Variants in GABBR1 observed in about 807,000 individuals in gnomAD.
GABBR1 encodes gamma-aminobutyric acid type B receptor subunit 1.
GABBR1 carries 35 observed loss-of-function variants against 117.7 expected under a neutral mutation model. The observed-to-expected ratio is 0.30, with a 90% confidence interval of 0.23 to 0.39. GABBR1 has a LOEUF of 0.39. GABBR1 is among the 10% of genes least tolerant of loss of function. The pLI is 1.00. For synonymous variants in GABBR1, 442 were observed against 486.6 expected, an observed-to-expected ratio of 0.91 and a Z score of 1.21; for missense variants, 709 against 1,241.8, an observed-to-expected ratio of 0.57 and a Z score of 6.45.
chr6:29,603,297 C>T lies in GABBR1; in HGVS notation c.*246G>A, dbSNP rs1347458625. 10 of 678,970 alleles carry T rather than the reference C, an allele frequency of 1.5e-5. No individual in the cohort carries two copies. The highest frequency in any genetic ancestry group is 1.9e-5 in the Non-Finnish European group (7 of 369,158). The allele number at this position is 678,970 out of a possible 1,614,324, so 42.1% of individuals were successfully genotyped here. A position where few individuals can be genotyped will look rare whatever the true frequency, so the allele number is the denominator to read the frequency against. On this transcript the variant is annotated 3_prime_UTR_variant, in exon 23 of 23. Coordinates refer to ENST00000377034, the MANE Select transcript of GABBR1 (RefSeq NM_001470.4). ...GCAGTGAGCAGCTTCAAGCCAGGTA[C>T]GAACTAAATTGTGAAGAGGTGATAC...
chr6:29,604,929 G>C lies in GABBR1; in HGVS notation c.2499C>G (p.Ala833=), dbSNP rs12189690. Reference sequence around the variant, plus strand: ...CTATGGCAAGAGAGGCAAAGGCAAAGGCTGCATCCTGCTGGCTGGACAGAA... The same window carrying C: ...CTATGGCAAGAGAGGCAAAGGCAAACGCTGCATCCTGCTGGCTGGACAGAA... ...TMILSSQQDA[A]FAFASLAIVF... is the part of the protein sequence containing the mutation. Residue 833 remains alanine (A), a synonymous_variant, in exon 21 of 23, where the codon GCC becomes GCG. Transcript: ENST00000377034. The surrounding 1 kb of genome is among the most constrained non-coding windows in gnomAD (Gnocchi z 5.3). 1.9e-6 allele frequency: 3 copies of C among 1,613,154 alleles called. No homozygotes were observed. Among genetic ancestry groups the C allele is most frequent in the Non-Finnish European group, 8.5e-7 (1 of 1,179,972 alleles).
Position 29,606,618 on chromosome 6 carries a change from A to C in GABBR1, c.2218-134T>G. The C allele has an allele frequency of 1.4e-6, 1 of 715,812 alleles. No homozygotes were observed. The highest frequency in any genetic ancestry group is 2.5e-6 in the Non-Finnish European group (1 of 404,328). The allele number at this position is 715,812 out of a possible 1,614,324, so 44.3% of individuals were successfully genotyped here. A position where few individuals can be genotyped will look rare whatever the true frequency, so the allele number is the denominator to read the frequency against. On this transcript the variant is annotated intron_variant, in intron 18 of 22. Transcript: ENST00000377034. The surrounding 1 kb of genome is among the most constrained non-coding windows in gnomAD (Gnocchi z 4.5). Reference sequence around the variant, plus strand: ...TGATGCCAAATCTCATTCTAGGCCTAAGAATGTTTTCCTGAACCCTTGGAG... The same window carrying C: ...TGATGCCAAATCTCATTCTAGGCCTCAGAATGTTTTCCTGAACCCTTGGAG...
At position 29,620,897 on chromosome 6, in the gene GABBR1, T is replaced by A. The variant is rs1763684970; in HGVS notation, c.1323+204A>T. Among the ~76,000 whole-genome samples the A allele has an allele frequency of 6.6e-6, 1 of 152,156 alleles. No individual in the cohort carries two copies. Among genetic ancestry groups the A allele is most frequent in the Non-Finnish European group, 1.5e-5 (1 of 67,976 alleles). On this transcript the variant is annotated intron_variant, in intron 11 of 22. Transcript: ENST00000377034. The surrounding 1 kb of genome is among the most constrained non-coding windows in gnomAD (Gnocchi z 4.5). ...GAACATACAACTCCATCGTTTTTTT[T>A]TTTTTCTCTCTCTACCCAAGGAAGT...
chr6:29,608,510 G>T (rs1762187335), intron 16 of GABBR1, 91 bp downstream of exon 16: 2 of 1,349,458 alleles, frequency 1.5e-6, no homozygotes. Flanking sequence ...AAGCTGAGGA[G>T]GAAGGGCAGA....
chr6:29,628,978 T>A (rs765259273), intron 5 of GABBR1, 109 bp downstream of exon 5: 5 of 1,307,104 alleles, frequency 3.8e-6, no homozygotes, highest in Middle Eastern at 2.1e-4. Context: ...TTGGGGAAGG[T>A]GCGAAAGGAC....
chr6:29,604,239 A>G lies in GABBR1; in HGVS notation c.2712+255T>C, dbSNP rs927055712. Among the ~76,000 whole-genome samples the G allele has an allele frequency of 2.0e-5, 3 of 152,084 alleles. No homozygotes were observed. Among genetic ancestry groups the G allele is most frequent in the African/African-American group, 7.2e-5 (3 of 41,408 alleles). On this transcript the variant is annotated intron_variant, in intron 22 of 22. Transcript: ENST00000377034. The surrounding 1 kb of genome is among the most constrained non-coding windows in gnomAD (Gnocchi z 5.3). ...CTCTTGCCTTAAGGAGGCTGAGTCA[A>G]CCACATAGCTCCCACTCCAGAGCCC...
Position 29,607,349 on chromosome 6 carries a change from T to G in GABBR1, c.1993-131A>C. 1 of 709,386 alleles carries G rather than the reference T, an allele frequency of 1.4e-6. No individual in the cohort carries two copies. Among genetic ancestry groups the G allele is most frequent in the South Asian group, 1.6e-5 (1 of 63,248 alleles). The allele number at this position is 709,386 out of a possible 1,614,324, so 43.9% of individuals were successfully genotyped here. On this transcript the variant is annotated intron_variant, in intron 16 of 22. Coordinates refer to ENST00000377034, the MANE Select transcript of GABBR1 (RefSeq NM_001470.4). The surrounding 1 kb of genome is among the most constrained non-coding windows in gnomAD (Gnocchi z 5.0). The stretch of plus-strand genomic sequence containing the variant: ...GGAGCTCATGGTGGCACAGGGAGGA[T>G]GCGAAAATGTGAGCAGGACGGGGAG...
At position 29,627,456 on chromosome 6, in the gene GABBR1, C is replaced by T. The variant is rs779644967; in HGVS notation, c.657+30G>A. 34 of 1,251,666 alleles carry T rather than the reference C, an allele frequency of 2.7e-5. No individual in the cohort carries two copies. Among genetic ancestry groups the T allele is most frequent in the African/African-American group, 4.5e-5 (3 of 65,986 alleles). The allele number at this position is 1,251,666 out of a possible 1,614,324, so 77.5% of individuals were successfully genotyped here. ...TGGCCCCCTGCCCCGCAAGCCCCCACCTCCCACCCACCCCCATGTCCAGGG... is the reference window on the plus strand; with the variant it reads ...TGGCCCCCTGCCCCGCAAGCCCCCATCTCCCACCCACCCCCATGTCCAGGG... On this transcript the variant is annotated intron_variant, in intron 6 of 22. Transcript: ENST00000377034. The surrounding 1 kb of genome is among the most constrained non-coding windows in gnomAD (Gnocchi z 4.4).
intron 11 of GABBR1, among the ~76,000 whole-genome samples, chr6:29,615,753 T>C (rs1763018851): frequency 6.6e-6 from 1 of 151,262 alleles, no homozygotes; most frequent in African/African-American, 2.4e-5. Flanking sequence ...AGGACCCAAC[T>C]CTACAAAATT....
chr6:29,613,117 G>T lies in GABBR1; in HGVS notation c.1566+126C>A. On this transcript the variant is annotated intron_variant, in intron 12 of 22. Coordinates refer to ENST00000377034, the MANE Select transcript of GABBR1 (RefSeq NM_001470.4). This position sits in a 1 kb window ranked among gnomAD's most constrained non-coding sequence, Gnocchi z 4.1. ...TAATTTGAAGGTCCCTACTTCTCTG[G>T]TCGGAGACTGATTCTGCAAAGAAGT... The T allele has an allele frequency of 1.9e-6, 2 of 1,049,958 alleles. No homozygotes were observed. The highest frequency in any genetic ancestry group is 1.4e-6 in the Non-Finnish European group (1 of 704,386). 65.0% of individuals were successfully genotyped at this position (1,049,958 alleles called of 1,614,324 possible).
intron 22 of GABBR1, 126 bp from the exon 23 acceptor site, chr6:29,603,842 T>C (rs937187291): frequency 8.7e-6 from 5 of 574,644 alleles, no homozygotes; most frequent in African/African-American, 7.6e-5. Context: ...GGGGAGGACG[T>C]AGGGTAAGTG....
chr6:29,632,948 T>TCCTCCTCCCGTC lies in GABBR1; in HGVS notation c.-111_-100dup, dbSNP rs1452830531. On this transcript the variant is annotated 5_prime_UTR_variant, in exon 1 of 23. Coordinates refer to ENST00000377034, the MANE Select transcript of GABBR1 (RefSeq NM_001470.4). This position sits in a 1 kb window ranked among gnomAD's most constrained non-coding sequence, Gnocchi z 5.8. ...CCCCCTCCCTTCTCCTCCACCTTTC[T>TCCTCCTCCCGTC]CCTCCTCCCGTCCCTCCTCCCCTCG... 1 of 190,048 alleles carries TCCTCCTCCCGTC rather than the reference T, an allele frequency of 5.3e-6. No individual in the cohort carries two copies. Among genetic ancestry groups the TCCTCCTCCCGTC allele is most frequent in the Non-Finnish European group, 1.1e-5 (1 of 88,962 alleles). 11.8% of individuals were successfully genotyped at this position (190,048 alleles called of 1,614,324 possible).
chr6:29,632,715 C>T lies in GABBR1; in HGVS notation c.-1+135G>A. 1 of 1,368,244 alleles carries T rather than the reference C, an allele frequency of 7.3e-7. No homozygotes were observed. Among genetic ancestry groups the T allele is most frequent in the Non-Finnish European group, 9.5e-7 (1 of 1,048,474 alleles). The allele number at this position is 1,368,244 out of a possible 1,614,324, so 84.8% of individuals were successfully genotyped here. On this transcript the variant is annotated intron_variant, in intron 1 of 22. Transcript: ENST00000377034. This position sits in a 1 kb window ranked among gnomAD's most constrained non-coding sequence, Gnocchi z 5.8. ...CCGGCATCGGCCGCCTCAGCGCTCCCCGATTCCATCCCCGCGGTTCCTCCT... is the reference window on the plus strand; with the variant it reads ...CCGGCATCGGCCGCCTCAGCGCTCCTCGATTCCATCCCCGCGGTTCCTCCT...
intron 22 of GABBR1, 61 bp from the exon 23 acceptor site, chr6:29,603,777 G>GAGGGAAAGAGAGGAAGGGCAC (rs1348200591): frequency 2.3e-6 from 3 of 1,277,478 alleles, no homozygotes; most frequent in Non-Finnish European, 2.1e-6. Context: ...GAGTGGGGAG[G>GAGGGAAAGAGAGGAAGGGCAC]AGGGAAAGAG....
At chr6:29,616,846 CAAAAAAAAAAA>C (rs28383807) in intron 11 of GABBR1, among the ~76,000 whole-genome samples, 1 of 74,448 alleles carries the variant, frequency 1.3e-5, no homozygotes, top group Non-Finnish European at 2.7e-5. Context: ...TACTCTACCT[CAAAAAAAAAAA>C]AAAAAAAAGG....
chr6:29,605,501 T>C lies in GABBR1; in HGVS notation c.2439+68A>G. The C allele has an allele frequency of 6.4e-7, 1 of 1,572,886 alleles. No individual in the cohort carries two copies. Among genetic ancestry groups the C allele is most frequent in the Non-Finnish European group, 8.7e-7 (1 of 1,154,172 alleles). ...CGATCCCAGATCTAGCATTGATTCTTCCTAGTCCTCTATATCTGGGCTGCT... is the reference window on the plus strand; with the variant it reads ...CGATCCCAGATCTAGCATTGATTCTCCCTAGTCCTCTATATCTGGGCTGCT... On this transcript the variant is annotated intron_variant, in intron 20 of 22. Transcript: ENST00000377034. The surrounding 1 kb of genome is among the most constrained non-coding windows in gnomAD (Gnocchi z 4.2).
intron 11 of GABBR1, among the ~76,000 whole-genome samples, chr6:29,614,012 G>A (rs138748426): frequency 7.2e-4 from 109 of 152,268 alleles, no homozygotes; most frequent in African/African-American, 2.6e-3. Context: ...GTGTGCTTTT[G>A]GTTCACTGCC....
intron 11 of GABBR1, among the ~76,000 whole-genome samples, chr6:29,614,981 C>CAAAAAAAA (rs202165362): frequency 5.2e-4 from 42 of 81,144 alleles, no homozygotes; most frequent in South Asian, 3.0e-3. Flanking sequence ...TAAAACTGCT[C>CAAAAAAAA]AAAAAAAAAA....
chr6:29,605,026 C>T lies in GABBR1; in HGVS notation c.2440-38G>A, dbSNP rs1420266289. ...ACACATTGAGGGAGTCTCAGGTCTG[C>T]AGGCTCAGACAAGATCCAGAGTTTA... On this transcript the variant is annotated intron_variant, in intron 20 of 22. Coordinates refer to ENST00000377034, the MANE Select transcript of GABBR1 (RefSeq NM_001470.4). This position sits in a 1 kb window ranked among gnomAD's most constrained non-coding sequence, Gnocchi z 4.2. 1 of 1,569,230 alleles carries T rather than the reference C, an allele frequency of 6.4e-7. No homozygotes were observed. The highest frequency in any genetic ancestry group is 2.2e-5 in the East Asian group (1 of 44,520).
Sources: gnomAD v4.1 joint callset for allele counts (sites outside exome capture counted in the v4.1 genomes callset) on GRCh38, gnomAD v4.1.1 for gene constraint, Gnocchi (gnomAD v3.1) non-coding constraint, MANE v1.5 for transcripts, NCBI Gene and HGNC (gene_info 2026-07-23, HGNC 2026-07-21) for gene names.